NELL1: variants seen among roughly 807,000 people sequenced by gnomAD.
NELL1 encodes the protein neural EGFL like 1.
Under a neutral mutation model 107.4 loss-of-function variants are expected in NELL1, and 76 were observed. The ratio of observed to expected loss-of-function variants is 0.71; its 90% CI spans 0.59 to 0.86. The LOEUF (loss-of-function observed/expected upper bound fraction) is 0.86, where lower values mean the gene tolerates loss of function less well. Ranked by LOEUF, NELL1 falls within the 40% of genes least tolerant of loss-of-function variation. The probability of loss-of-function intolerance (pLI) is 0.00; values close to 1 mark genes in which losing one functional copy is unlikely to be tolerated. For missense variants in NELL1, 1,024 were observed against 1,005.5 expected, an observed-to-expected ratio of 1.02 and a Z score of -0.25; for synonymous variants, 353 against 341.2, an observed-to-expected ratio of 1.03 and a Z score of -0.38.
chr11:21,341,474 A>G lies in NELL1; in HGVS notation c.1550-29379A>G, dbSNP rs551981125. Among the ~76,000 whole-genome samples the G allele has an allele frequency of 3.1e-4, 47 of 152,326 alleles. No individual in the cohort carries two copies. The South Asian group carries it at 9.7e-3, about 32-fold the overall frequency. On this transcript the variant is annotated intron_variant, in intron 14 of 19. Transcript: ENST00000357134. ...CCAAATAGGAAACTCAGGCATTTGT[A>G]AACAAAGCCTCATGTTGGTAATTCA...
intron 14 of NELL1, among the ~76,000 whole-genome samples, chr11:21,334,190 G>C (rs1233906940): frequency 6.6e-6 from 1 of 151,948 alleles, no homozygotes; most frequent in African/African-American, 2.4e-5. Flanking sequence ...AGCATAAAAA[G>C]AACATAGGTA....
intron 3 of NELL1, among the ~76,000 whole-genome samples, chr11:20,791,106 C>T (rs1857065095): frequency 6.6e-6 from 1 of 152,162 alleles, no homozygotes; most frequent in Non-Finnish European, 1.5e-5. Flanking sequence ...TCAGTTTCCG[C>T]AAATAAGTCA....
Position 21,476,735 on chromosome 11 carries a change from G to T in NELL1, c.1646-57639G>T, listed in dbSNP as rs185055685. Among the ~76,000 whole-genome samples the T allele has an allele frequency of 4.6e-5, 7 of 152,184 alleles. 1 individual carries two copies. Among genetic ancestry groups the T allele is most frequent in the African/African-American group, 1.7e-4 (7 of 41,530 alleles). On this transcript the variant is annotated intron_variant, in intron 15 of 19. Coordinates refer to ENST00000357134, the MANE Select transcript of NELL1 (RefSeq NM_006157.5). ...CAGTCTTGAATTGCTAATGCCACCC[G>T]TCCCTCATCCCCAGGTGGTAGCGGC...
chr11:20,918,766 T>C (rs945880476), intron 6 of NELL1, among the ~76,000 whole-genome samples: 6 of 152,028 alleles, frequency 3.9e-5, no homozygotes, highest in Non-Finnish European at 8.8e-5. Flanking sequence ...GAGCTACAAT[T>C]CAAGATGAGA....
intron 5 of NELL1, among the ~76,000 whole-genome samples, chr11:20,893,860 A>AAAG (rs1849669932): frequency 6.6e-6 from 1 of 151,146 alleles, no homozygotes; most frequent in Non-Finnish European, 1.5e-5. Context: ...GTAGTTAAAA[A>AAAG]AAAAAAAAAA....
chr11:21,229,783 G>C (rs1282185862), intron 14 of NELL1, among the ~76,000 whole-genome samples: 1 of 152,154 alleles, frequency 6.6e-6, no homozygotes, highest in African/African-American at 2.4e-5. Context: ...TTTTCCCCAA[G>C]GGCAAGTGGA....
At chr11:21,528,124 A>T (rs1855899482) in intron 15 of NELL1, among the ~76,000 whole-genome samples, 1 of 152,200 alleles carries the variant, frequency 6.6e-6, no homozygotes, top group South Asian at 2.1e-4. Context: ...GGAGATTTGG[A>T]CTGTCTTGGA....
intron 3 of NELL1, among the ~76,000 whole-genome samples, chr11:20,837,868 A>T (rs1347294489): frequency 6.6e-6 from 1 of 152,140 alleles, no homozygotes; most frequent in Non-Finnish European, 1.5e-5. Context: ...ATGCAGTAAA[A>T]TTCTAAGTAA....
chr11:21,378,598 T>C (rs1851536166), intron 15 of NELL1, among the ~76,000 whole-genome samples: 1 of 152,008 alleles, frequency 6.6e-6, no homozygotes, highest in African/African-American at 2.4e-5. Flanking sequence ...ACTCCAAACC[T>C]TGTGTTCTCC....
chr11:21,103,585 G>A (rs907401070), intron 12 of NELL1, among the ~76,000 whole-genome samples: 1 of 152,134 alleles, frequency 6.6e-6, no homozygotes, highest in African/African-American at 2.4e-5. Flanking sequence ...TAAAGTGGTG[G>A]TTAATAAATG....
intron 4 of NELL1, among the ~76,000 whole-genome samples, chr11:20,849,185 C>G (rs1020861889): frequency 8.5e-5 from 13 of 152,188 alleles, no homozygotes; most frequent in African/African-American, 3.1e-4. Flanking sequence ...AAGAGCCCTG[C>G]TTGTCCTTCT....
At chr11:21,126,574 GAT>G (rs1855491074) in intron 13 of NELL1, among the ~76,000 whole-genome samples, 2 of 152,128 alleles carry the variant, frequency 1.3e-5, no homozygotes, top group African/African-American at 4.8e-5. Flanking sequence ...TTTAAGGTTT[GAT>G]CATGTGAAAG....
chr11:20,860,453 G>C (rs1414322636), intron 4 of NELL1, among the ~76,000 whole-genome samples: 2 of 152,114 alleles, frequency 1.3e-5, no homozygotes, highest in African/African-American at 2.4e-5. Context: ...TCACATTCTC[G>C]ATGGCTTCAT....
rs1423190601 is a variant in NELL1, at chr11:21,498,284, C to T, written c.1646-36090C>T. Among the ~76,000 whole-genome samples, 19 of 148,990 alleles carry T rather than the reference C, an allele frequency of 1.3e-4. No homozygotes were observed. In the Admixed American group the frequency reaches 1.3e-3, roughly 10 times the overall value. ...TAAATAATTATAAAAATTGACATGCCTCCATTTCACCCATGTTTTAATTAT... is the reference window on the plus strand; with the variant it reads ...TAAATAATTATAAAAATTGACATGCTTCCATTTCACCCATGTTTTAATTAT... On this transcript the variant is annotated intron_variant, in intron 15 of 19. Coordinates refer to ENST00000357134, the MANE Select transcript of NELL1 (RefSeq NM_006157.5).
intron 13 of NELL1, among the ~76,000 whole-genome samples, chr11:21,120,444 T>A (rs1328078117): frequency 6.6e-6 from 1 of 152,120 alleles, no homozygotes; most frequent in Non-Finnish European, 1.5e-5. Flanking sequence ...AAACAGAACA[T>A]TCCGCAACCT....
intron 2 of NELL1, among the ~76,000 whole-genome samples, chr11:20,748,007 C>T (rs1008169624): frequency 2.0e-5 from 3 of 152,178 alleles, no homozygotes; most frequent in Admixed American, 1.3e-4. Flanking sequence ...GCTCCAATTA[C>T]TTTCTTTACC....
At chr11:20,923,194 T>C (rs1200142126) in intron 7 of NELL1, among the ~76,000 whole-genome samples, 1 of 152,028 alleles carries the variant, frequency 6.6e-6, no homozygotes, top group African/African-American at 2.4e-5. Context: ...TAGAGAGGAA[T>C]TGGTAGTCAA....
chr11:21,061,992 A>G (rs1045749313), intron 12 of NELL1, among the ~76,000 whole-genome samples: 1 of 152,134 alleles, frequency 6.6e-6, no homozygotes, highest in African/African-American at 2.4e-5. Flanking sequence ...CTTGCCTCAG[A>G]CCATACATTC....
chr11:21,472,347 C>T (rs905371368), intron 15 of NELL1, among the ~76,000 whole-genome samples: 1 of 151,978 alleles, frequency 6.6e-6, no homozygotes, highest in East Asian at 1.9e-4. Context: ...TGTTTGCTTG[C>T]TTTCTCTTAA....
Sources: allele counts gnomAD v4.1 joint callset (sites outside exome capture counted in the v4.1 genomes callset), GRCh38; gene constraint gnomAD v4.1.1; transcripts MANE v1.5; gene names NCBI Gene and HGNC (gene_info 2026-07-23, HGNC 2026-07-21).